MEDAG: variants seen among roughly 807,000 people sequenced by gnomAD.
MEDAG encodes mesenteric estrogen dependent adipogenesis.
A neutral mutation model predicts 29.9 loss-of-function variants in MEDAG; 25 were observed. The ratio of observed to expected loss-of-function variants is 0.84; its 90% CI spans 0.61 to 1.17. The LOEUF (loss-of-function observed/expected upper bound fraction) is 1.17, where lower values mean the gene tolerates loss of function less well. Among genes scored for constraint, MEDAG ranks in the 50% most tolerant of loss-of-function variants. The pLI, the probability that MEDAG is intolerant of heterozygous loss-of-function variation, is 0.00. For synonymous variants in MEDAG, 158 were observed against 148.2 expected (o/e 1.07, Z -0.48); for missense variants, 398 against 372.9 (o/e 1.07, Z -0.56).
At chr13:30,913,080 G>A (rs528101874) in intron 1 of MEDAG, among the ~76,000 whole-genome samples, 106 of 152,352 alleles carry the variant, frequency 7.0e-4, no homozygotes, top group South Asian at 3.5e-3. Flanking sequence ...AGTCCCTCAA[G>A]GTCATAGTGA....
Position 30,924,321 on chromosome 13 carries a change from T to C in MEDAG, c.798T>C (p.Asp266=). 1 of 1,613,528 alleles carries C rather than the reference T, an allele frequency of 6.2e-7. No homozygotes were observed. The highest frequency in any genetic ancestry group is 8.5e-7 in the Non-Finnish European group (1 of 1,179,734). The change falls in exon 5 of 5, where the codon GAT becomes GAC. Residue 266 remains aspartate (D), a synonymous_variant. Transcript: ENST00000380482. ...KFSVTSRGSI[D]DVFNCNLSPR... ...TTTACTGTTTTTTAGGTTCAATAGATGATGTTTTTAACTGCAATCTGTCAC... is the reference window on the plus strand; with the variant it reads ...TTTACTGTTTTTTAGGTTCAATAGACGATGTTTTTAACTGCAATCTGTCAC...
intron 1 of MEDAG, among the ~76,000 whole-genome samples, chr13:30,917,174 G>T (rs1952936937): frequency 6.6e-6 from 1 of 152,180 alleles, no homozygotes; most frequent in Non-Finnish European, 1.5e-5. Context: ...GCCAAGTGTT[G>T]ATGCCAGGAC....
Position 30,917,408 on chromosome 13 carries a change from T to C in MEDAG, c.284T>C (p.Val95Ala). 1 of 1,571,094 alleles carries C rather than the reference T, an allele frequency of 6.4e-7. No individual in the cohort carries two copies. Among genetic ancestry groups the C allele is most frequent in the South Asian group, 1.1e-5 (1 of 90,116 alleles). ...YRLSSYIKRY[V>A]ELTNYCDYKD... is the part of the protein sequence containing the mutation. ...TGATCTCTGCTTCTTCATAGGTATG[T>C]GGAACTGACCAACTACTGTGATTAT... Residue 95 changes from valine to alanine, a missense_variant, in exon 2 of 5, where the codon GTG becomes GCG. Coordinates refer to ENST00000380482, the MANE Select transcript of MEDAG (RefSeq NM_032849.4).
intron 1 of MEDAG, among the ~76,000 whole-genome samples, chr13:30,914,711 G>C (rs181871678): frequency 1.3e-5 from 2 of 152,254 alleles, no homozygotes; most frequent in Admixed American, 1.3e-4. Context: ...AAAACTGATT[G>C]TTCTCTGAAC....
At chr13:30,923,566 T>G (rs761888573) in intron 4 of MEDAG, among the ~76,000 whole-genome samples, 1 of 152,212 alleles carries the variant, frequency 6.6e-6, no homozygotes, top group Non-Finnish European at 1.5e-5. Context: ...TGCTCTGCTC[T>G]GTTGCAATCA....
chr13:30,914,405 T>C (rs1489111329), intron 1 of MEDAG, among the ~76,000 whole-genome samples: 2 of 152,214 alleles, frequency 1.3e-5, no homozygotes, highest in East Asian at 1.9e-4. Flanking sequence ...AGCAGTGTTT[T>C]TACACATCTG....
rs568716792 is a variant in MEDAG at position 30,917,944 on chromosome 13, A to G, written c.388+432A>G. 2.0e-4 allele frequency among the ~76,000 whole-genome samples: 31 copies of G among 152,288 alleles called. 2 individuals carry two copies. The South Asian group carries it at 6.4e-3, about 32-fold the overall frequency. Reference sequence around the variant, plus strand: ...TTGGTTTGGTCCTTGCTGGGACCAAACTGGGCTGAGGTGTGGACTGATGAG... The same window carrying G: ...TTGGTTTGGTCCTTGCTGGGACCAAGCTGGGCTGAGGTGTGGACTGATGAG... On this transcript the variant is annotated intron_variant, in intron 2 of 4. Transcript: ENST00000380482.
intron 1 of MEDAG, among the ~76,000 whole-genome samples, chr13:30,911,650 A>G (rs1051540432): frequency 2.6e-5 from 4 of 152,138 alleles, no homozygotes; most frequent in African/African-American, 7.2e-5. Flanking sequence ...CCTTGGCTTA[A>G]CTGACTAGGG....
In MEDAG at chr13:30,921,129, A is replaced by G. The variant is rs1330950939; in HGVS notation, c.501+3A>G. On this transcript the variant is annotated splice_donor_region_variant and intron_variant, in intron 3 of 4. Coordinates refer to ENST00000380482, the MANE Select transcript of MEDAG (RefSeq NM_032849.4). ...TTGGAGAAAGTTACCGGCTTCAGGT[A>G]AGCCTAGCCTGTCTGAATCCAGGGC... The G allele has an allele frequency of 6.2e-7, 1 of 1,610,854 alleles. No individual in the cohort carries two copies. Among genetic ancestry groups the G allele is most frequent in the Non-Finnish European group, 8.5e-7 (1 of 1,177,952 alleles).
chr13:30,920,641 C>T (rs1055181371), intron 2 of MEDAG, among the ~76,000 whole-genome samples: 2 of 151,718 alleles, frequency 1.3e-5, no homozygotes, highest in African/African-American at 2.4e-5. Context: ...ACATGAAAAC[C>T]AGCTATCTCG....
intron 1 of MEDAG, among the ~76,000 whole-genome samples, chr13:30,910,397 A>G (rs889869080): frequency 6.6e-6 from 1 of 152,248 alleles, no homozygotes; most frequent in African/African-American, 2.4e-5. Context: ...AAAGTATTTC[A>G]CAGCTACTAT....
intron 1 of MEDAG, chr13:30,916,866 A>G (rs1374301545): frequency 6.6e-6 from 1 of 152,442 alleles, no homozygotes; most frequent in South Asian, 2.1e-4. Flanking sequence ...TTTTAATTAC[A>G]CAAGTTCAGC....
Position 30,908,322 on chromosome 13 carries a change from G to A in MEDAG, c.278+1529G>A, listed in dbSNP as rs565406250. ...TGCAAATACAAAACAACAAATAATA[G>A]GCTATCATTGTATAAGCAATACTGT... On this transcript the variant is annotated intron_variant, in intron 1 of 4. Transcript: ENST00000380482. Among the ~76,000 whole-genome samples, 30 of 152,262 alleles carry A rather than the reference G, an allele frequency of 2.0e-4. 2 individuals are homozygous for A. In the South Asian group the frequency reaches 4.8e-3, roughly 24 times the overall value.
chr13:30,909,697 A>G (rs1952863841), intron 1 of MEDAG, among the ~76,000 whole-genome samples: 1 of 152,184 alleles, frequency 6.6e-6, no homozygotes, highest in Non-Finnish European at 1.5e-5. Flanking sequence ...TATTTTTGGC[A>G]TATGGGATAA....
chr13:30,911,475 A>G (rs1194428525), intron 1 of MEDAG, among the ~76,000 whole-genome samples: 10 of 151,902 alleles, frequency 6.6e-5, no homozygotes, highest in Admixed American at 1.3e-4. Context: ...CAGCCACCCC[A>G]TAGTCCTCAT....
At chr13:30,920,651 G>A (rs963560621) in intron 2 of MEDAG, among the ~76,000 whole-genome samples, 2 of 151,890 alleles carry the variant, frequency 1.3e-5, no homozygotes, top group African/African-American at 4.8e-5. Context: ...CAGCTATCTC[G>A]ATCTTCCACT....
chr13:30,910,806 A>AC (rs1952875333), intron 1 of MEDAG, among the ~76,000 whole-genome samples: 1 of 152,206 alleles, frequency 6.6e-6, no homozygotes, highest in African/African-American at 2.4e-5. Context: ...TAGGGCTGGA[A>AC]CACACTTGGA....
rs77484120 is a variant in MEDAG at position 30,906,355 on chromosome 13, G to A, written c.-161G>A. 1,235 of 682,766 alleles carry A rather than the reference G, an allele frequency of 1.8e-3. 30 individuals are homozygous for A. In the East Asian group the frequency reaches 0.041, roughly 23 times the overall value. 42.3% of individuals were successfully genotyped at this position (682,766 alleles called of 1,614,324 possible). On this transcript the variant is annotated 5_prime_UTR_variant, in exon 1 of 5. Coordinates refer to ENST00000380482, the MANE Select transcript of MEDAG (RefSeq NM_032849.4). ...CGGGCGGTCAGACTGGCACCTGAGCGGCCACCGCGTCCCGGCCAGGCGGGC... is the reference window on the plus strand; with the variant it reads ...CGGGCGGTCAGACTGGCACCTGAGCAGCCACCGCGTCCCGGCCAGGCGGGC...
Position 30,921,038 on chromosome 13 carries a change from A to G in MEDAG, c.413A>G (p.Asn138Ser), listed in dbSNP as rs754712447. ...SKERTYAFLV[N>S]TRHPKIRRQI... is the part of the protein sequence containing the mutation. ...GAAAGGACGTACGCGTTTCTTGTAA[A>G]CACGAGGCACCCCAAGATAAGAAGA... The change falls in exon 3 of 5, where the codon AAC becomes AGC. Residue 138 changes from asparagine to serine, a missense_variant. Physicochemically the swap from Asn to Ser is conservative, Grantham distance 46. Coordinates refer to ENST00000380482, the MANE Select transcript of MEDAG (RefSeq NM_032849.4). The G allele has an allele frequency of 1.9e-6, 3 of 1,614,022 alleles. No individual in the cohort carries two copies. Among genetic ancestry groups the G allele is most frequent in the African/African-American group, 1.3e-5 (1 of 75,044 alleles).
Sources: allele counts gnomAD v4.1 joint callset (sites outside exome capture counted in the v4.1 genomes callset), GRCh38; gene constraint gnomAD v4.1.1; transcripts MANE v1.5; gene names NCBI Gene and HGNC (gene_info 2026-07-23, HGNC 2026-07-21).